The following KCNIP4 variants were observed in gnomAD, a reference collection of about 807,000 sequenced individuals.
KCNIP4 encodes the protein potassium voltage-gated channel interacting protein 4, also known as Kv channel-interacting protein 4.
A neutral mutation model predicts 34.0 loss-of-function variants in KCNIP4; 12 were observed. The observed-to-expected ratio is 0.35, with a 90% CI of 0.23 to 0.57. The LOEUF is 0.57. Among genes scored for constraint, KCNIP4 ranks in the 20% least tolerant of loss-of-function variants. The pLI, the probability that KCNIP4 is intolerant of heterozygous loss-of-function variation, is 0.83. For missense variants in KCNIP4, 238 were observed against 311.7 expected, an observed-to-expected ratio of 0.76 and a Z score of 1.78; for synonymous variants, 124 against 102.2, an observed-to-expected ratio of 1.21 and a Z score of -1.29.
intron 1 of KCNIP4, among the ~76,000 whole-genome samples, chr4:21,201,233 C>T (rs17514828): frequency 0.012 from 1,778 of 152,290 alleles, 22 homozygotes; most frequent in Middle Eastern, 0.017. Context: ...ATGCTTTAAA[C>T]TGAGGCACTA....
chr4:20,741,559 C>T (rs1026974665), intron 5 of KCNIP4, among the ~76,000 whole-genome samples: 2 of 152,164 alleles, frequency 1.3e-5, no homozygotes, highest in Non-Finnish European at 2.9e-5. Flanking sequence ...CTCTGGGACA[C>T]ATTTAAAGCA....
At chr4:21,232,276 T>C (rs1293396068) in intron 1 of KCNIP4, among the ~76,000 whole-genome samples, 1 of 152,136 alleles carries the variant, frequency 6.6e-6, no homozygotes, top group Non-Finnish European at 1.5e-5. Context: ...GTAATCGATT[T>C]GTTGAGTTAA....
At chr4:20,832,902 G>C (rs1157440854) in intron 3 of KCNIP4, among the ~76,000 whole-genome samples, 7 of 152,150 alleles carry the variant, frequency 4.6e-5, no homozygotes, top group Non-Finnish European at 8.8e-5. Flanking sequence ...GTCCTTTGGA[G>C]TTCGGTGGTT....
intron 1 of KCNIP4, among the ~76,000 whole-genome samples, chr4:21,232,687 G>C (rs1238864405): frequency 6.6e-6 from 1 of 152,160 alleles, no homozygotes; most frequent in Non-Finnish European, 1.5e-5. Context: ...TCACTCAGAA[G>C]CATTCTTAGA....
intron 1 of KCNIP4, among the ~76,000 whole-genome samples, chr4:21,007,431 G>T (rs533038877): frequency 2.0e-5 from 3 of 152,088 alleles, no homozygotes; most frequent in Admixed American, 6.5e-5. Flanking sequence ...TATATTTATG[G>T]AGTATATGGG....
At chr4:21,267,968 C>A (rs940004791) in intron 1 of KCNIP4, among the ~76,000 whole-genome samples, 6 of 151,938 alleles carry the variant, frequency 3.9e-5, no homozygotes, top group African/African-American at 1.5e-4. Context: ...AGCTGTGAAT[C>A]CATCTGGTCC....
intron 1 of KCNIP4, among the ~76,000 whole-genome samples, chr4:21,193,284 T>A (rs1005690726): frequency 1.1e-4 from 16 of 152,178 alleles, no homozygotes; most frequent in African/African-American, 3.6e-4. Flanking sequence ...TTACTTACAC[T>A]CTTTTTAAAG....
At chr4:20,984,623 C>A (rs149057603) in intron 1 of KCNIP4, among the ~76,000 whole-genome samples, 27 of 152,304 alleles carry the variant, frequency 1.8e-4, no homozygotes, top group African/African-American at 6.3e-4. Flanking sequence ...GAGCCTCCCC[C>A]GCCACGCCAC....
At chr4:21,798,055 T>C (rs941038254) in intron 1 of KCNIP4, among the ~76,000 whole-genome samples, 6 of 152,060 alleles carry the variant, frequency 3.9e-5, no homozygotes, top group Non-Finnish European at 7.4e-5. Context: ...AAGCATCTTA[T>C]AGTTGCAATT....
chr4:21,358,421 G>A (rs1009486221), intron 1 of KCNIP4, among the ~76,000 whole-genome samples: 9 of 152,088 alleles, frequency 5.9e-5, no homozygotes, highest in Non-Finnish European at 1.0e-4. Flanking sequence ...TAGATCCTCC[G>A]AACCTTATTT....
At chr4:21,555,541 G>T (rs1560513109) in intron 1 of KCNIP4, among the ~76,000 whole-genome samples, 1 of 152,002 alleles carries the variant, frequency 6.6e-6, no homozygotes, top group Non-Finnish European at 1.5e-5. Flanking sequence ...CATCAAAGTT[G>T]AGCATGTGAA....
chr4:21,620,886 T>C (rs1744953943), intron 1 of KCNIP4, among the ~76,000 whole-genome samples: 1 of 152,192 alleles, frequency 6.6e-6, no homozygotes. Context: ...CTGACCTCTA[T>C]CTCCAGTCTG....
At chr4:21,739,116 T>C (rs1289359752) in intron 1 of KCNIP4, among the ~76,000 whole-genome samples, 1 of 152,086 alleles carries the variant, frequency 6.6e-6, no homozygotes, top group African/African-American at 2.4e-5. Context: ...TAAAAATGCA[T>C]ACATAGACTT....
At chr4:21,547,727 G>C (rs1577574481) in intron 1 of KCNIP4, among the ~76,000 whole-genome samples, 1 of 152,044 alleles carries the variant, frequency 6.6e-6, no homozygotes, top group African/African-American at 2.4e-5. Flanking sequence ...AAGTGTTTTA[G>C]ATTTCAGATT....
At chr4:21,586,929 A>G (rs2109084285) in intron 1 of KCNIP4, among the ~76,000 whole-genome samples, 1 of 152,162 alleles carries the variant, frequency 6.6e-6, no homozygotes, top group Non-Finnish European at 1.5e-5. Flanking sequence ...CCCACAAGGT[A>G]TGATTAGGAC....
chr4:21,346,781 A>G (rs1717472005), intron 1 of KCNIP4, among the ~76,000 whole-genome samples: 1 of 152,114 alleles, frequency 6.6e-6, no homozygotes, highest in Admixed American at 6.6e-5. Flanking sequence ...GCCGAAACTC[A>G]GACCACACGT....
chr4:21,539,999 CAAA>C (rs56948957), intron 1 of KCNIP4, among the ~76,000 whole-genome samples: 3,877 of 114,752 alleles, frequency 0.034, 155 homozygotes, highest in African/African-American at 0.13. Context: ...AACAAACAGA[CAAA>C]AAAAAAAAAA....
intron 1 of KCNIP4, among the ~76,000 whole-genome samples, chr4:21,820,500 C>T (rs11931923): frequency 0.86 from 130,247 of 151,574 alleles, 56,212 homozygotes; most frequent in East Asian, 0.9. Context: ...TGCAAAACCA[C>T]ACAAATTATG....
rs576978476 is a variant in KCNIP4 at position 21,476,560 on chromosome 4, T to TA, written c.61+472010dup. ...TTGGCCAGCACCTTGATCTTGGACTTACACCGTCCAGAACTGTGAGAATAT... is the reference window on the plus strand; with the variant it reads ...TTGGCCAGCACCTTGATCTTGGACTTAACACCGTCCAGAACTGTGAGAATAT... On this transcript the variant is annotated intron_variant, in intron 1 of 8. Transcript: ENST00000382152. 2.2e-4 allele frequency among the ~76,000 whole-genome samples: 33 copies of TA among 152,230 alleles called. No homozygotes were observed. In the East Asian group the frequency reaches 4.8e-3, roughly 22 times the overall value.
Sources: allele counts gnomAD v4.1 joint callset (sites outside exome capture counted in the v4.1 genomes callset), GRCh38; gene constraint gnomAD v4.1.1; transcripts MANE v1.5; gene names NCBI Gene and HGNC (gene_info 2026-07-23, HGNC 2026-07-21).